The following PNPLA4 variants were observed in gnomAD, a reference collection of about 807,000 sequenced individuals.
The protein encoded by PNPLA4 is patatin-like phospholipase domain-containing protein 4.
PNPLA4 carries 15 observed loss-of-function variants against 18.3 expected under a neutral mutation model. That is an observed-to-expected ratio of 0.82 (90% CI 0.55 to 1.26). The LOEUF is 1.26. Ranked by LOEUF, PNPLA4 falls within the 50% of genes most tolerant of loss-of-function variation. The pLI is 0.00. For missense variants in PNPLA4, 229 were observed against 196.8 expected, an observed-to-expected ratio of 1.16 and a Z score of -0.98; for synonymous variants, 88 against 85.6, an observed-to-expected ratio of 1.03 and a Z score of -0.16.
At chrX:7,910,556 A>G (rs1337943021) in intron 5 of PNPLA4, among the ~76,000 whole-genome samples, 1 of 110,384 alleles carries the variant, frequency 9.1e-6, no homozygotes, top group African/African-American at 3.3e-5. Flanking sequence ...TATGCTAAAT[A>G]GATACTTTAT....
intron 5 of PNPLA4, among the ~76,000 whole-genome samples, chrX:7,910,550 C>T (rs977477189): frequency 2.6e-4 from 28 of 109,501 alleles, no homozygotes; most frequent in Non-Finnish European, 4.6e-4. Flanking sequence ...CTGATATATG[C>T]TAAATAGATA....
intron 4 of PNPLA4, among the ~76,000 whole-genome samples, chrX:7,919,902 C>A (rs748168386): frequency 3.6e-5 from 4 of 111,716 alleles, no homozygotes; most frequent in Non-Finnish European, 7.5e-5. Flanking sequence ...TATTTTAAAT[C>A]GAGCCAGTGT....
At position 7,914,574 on chromosome X, in the gene PNPLA4, T is replaced by A. The variant is rs751755312; in HGVS notation, c.412-2481A>T. 2.8e-3 allele frequency among the ~76,000 whole-genome samples: 313 copies of A among 112,438 alleles called. 2 individuals carry two copies. Among genetic ancestry groups the A allele is most frequent in the African/African-American group, 9.8e-3 (304 of 30,966 alleles). On this transcript the variant is annotated intron_variant, in intron 4 of 6. Transcript: ENST00000381042. ...TGAAGTTATTCAGCAAATGCAACAC[T>A]GCAAAGCAATAACTAGAGCAATTTG... is the stretch of plus-strand genomic sequence containing the variant.
At chrX:7,901,424 A>AT (rs201669455) in intron 6 of PNPLA4, among the ~76,000 whole-genome samples, 2,049 of 110,377 alleles carry the variant, frequency 0.019, 51 homozygotes, top group African/African-American at 0.064. Flanking sequence ...TCTGCAAATA[A>AT]TTTTTTTAAA....
chrX:7,919,853 G>A (rs1924156808), intron 4 of PNPLA4, among the ~76,000 whole-genome samples: 1 of 111,995 alleles, frequency 8.9e-6, no homozygotes, highest in South Asian at 3.7e-4. Flanking sequence ...TTTTGCCCAG[G>A]TCATACAGTA....
intron 4 of PNPLA4, among the ~76,000 whole-genome samples, chrX:7,918,296 T>C (rs1924107878): frequency 9.0e-6 from 1 of 111,299 alleles, no homozygotes; most frequent in African/African-American, 3.3e-5. Context: ...GGCCTCACAA[T>C]CGTGGTGGAA....
At chrX:7,903,047 C>CA (rs1923590000) in intron 5 of PNPLA4, among the ~76,000 whole-genome samples, 2 of 111,476 alleles carry the variant, frequency 1.8e-5, no homozygotes, top group Admixed American at 1.9e-4. Context: ...TACAAAAAAA[C>CA]AAAAAGTCTG....
intron 1 of PNPLA4, among the ~76,000 whole-genome samples, chrX:7,927,075 G>C (rs1286045620): frequency 8.8e-6 from 1 of 113,179 alleles, no homozygotes; most frequent in Non-Finnish European, 1.9e-5. Context: ...CGTAGGCTGA[G>C]TCCCAGTCAT....
At chrX:7,903,500 C>T (rs1923612936) in intron 5 of PNPLA4, among the ~76,000 whole-genome samples, 1 of 110,187 alleles carries the variant, frequency 9.1e-6, no homozygotes, top group Non-Finnish European at 1.9e-5. Flanking sequence ...GGGGTTTCAC[C>T]GGGTTAGCCA....
At chrX:7,914,738 T>C (rs1334406450) in intron 4 of PNPLA4, among the ~76,000 whole-genome samples, 1 of 110,160 alleles carries the variant, frequency 9.1e-6, no homozygotes, top group Admixed American at 1.0e-4. Flanking sequence ...CTTAGAATTA[T>C]GTTTTTTTTT....
chrX:7,923,419 G>A (rs1246872951), intron 2 of PNPLA4, among the ~76,000 whole-genome samples: 1 of 112,246 alleles, frequency 8.9e-6, no homozygotes, highest in African/African-American at 3.2e-5. Flanking sequence ...CTCCCCTGGA[G>A]CCTCTGGAGA....
rs1222993509 is a variant in PNPLA4, at chrX:7,898,344, C to A, written c.*2342G>T. The A allele has an allele frequency of 2.7e-5, 3 of 111,893 alleles. No homozygotes were observed. The South Asian group carries it at 1.1e-3, about 42-fold the overall frequency. The allele number at this position is 111,893 out of a possible 1,213,427, so 9.2% of individuals were successfully genotyped here. On this transcript the variant is annotated 3_prime_UTR_variant, in exon 7 of 7. Transcript: ENST00000381042. The stretch of plus-strand genomic sequence containing the variant: ...ATCAAGCTGCCAATCACAGTAATTA[C>A]CCTGCAAACATATCAGTATCTGGGT...
chrX:7,901,465 C>G (rs1267638249), intron 6 of PNPLA4, among the ~76,000 whole-genome samples: 1 of 110,620 alleles, frequency 9.0e-6, no homozygotes, highest in Admixed American at 9.7e-5. Flanking sequence ...CACGCGCCTG[C>G]AGTCCCAGGT....
In PNPLA4 at chrX:7,900,317, G is replaced by A. The variant is rs1416430773; in HGVS notation, c.*369C>T. The A allele has an allele frequency of 8.4e-6, 1 of 118,601 alleles. No homozygotes were observed. The highest frequency in any genetic ancestry group is 3.2e-5 in the African/African-American group (1 of 30,776). The allele number at this position is 118,601 out of a possible 1,213,427, so 9.8% of individuals were successfully genotyped here. A position where few individuals can be genotyped will look rare whatever the true frequency, so the allele number is the denominator to read the frequency against. Reference sequence around the variant, plus strand: ...GCTACAGGGACACAGCTAAGTCACGGAAACACCCATGCTTCACGTCAAGAT... The same window carrying A: ...GCTACAGGGACACAGCTAAGTCACGAAAACACCCATGCTTCACGTCAAGAT... On this transcript the variant is annotated 3_prime_UTR_variant, in exon 7 of 7. Transcript: ENST00000381042.
chrX:7,923,081 T>C (rs749034145), intron 2 of PNPLA4, among the ~76,000 whole-genome samples: 7 of 112,516 alleles, frequency 6.2e-5, no homozygotes, highest in Non-Finnish European at 1.1e-4. Context: ...GAATTTCAGT[T>C]AAGTGGCTAT....
intron 6 of PNPLA4, among the ~76,000 whole-genome samples, chrX:7,901,421 A>G (rs1365007949): frequency 9.1e-6 from 1 of 109,892 alleles, no homozygotes; most frequent in Non-Finnish European, 1.9e-5. Context: ...GTCTCTGCAA[A>G]TAATTTTTTT....
At chrX:7,909,053 G>A (rs1256620989) in intron 5 of PNPLA4, among the ~76,000 whole-genome samples, 3 of 111,930 alleles carry the variant, frequency 2.7e-5, no homozygotes, top group Non-Finnish European at 5.6e-5. Flanking sequence ...AACAAGGAAC[G>A]CATTGTTTGA....
chrX:7,926,068 G>A lies in PNPLA4; in HGVS notation c.52C>T (p.His18Tyr). 1 of 1,210,654 alleles carries A rather than the reference G, an allele frequency of 8.3e-7. No individual in the cohort carries two copies. The highest frequency in any genetic ancestry group is 1.1e-6 in the Non-Finnish European group (1 of 894,622). ...FAACGFLGIY[H>Y]LGAASALCRH... ...CAAAGTGCAGATGCTGCCCCCAAGT[G>A]GTAAATGCCCAGAAATCCACACGCT... The change falls in exon 2 of 7, where the codon CAC (histidine) becomes TAC (tyrosine). Residue 18 changes from histidine (H) to tyrosine (Y), a missense_variant. Transcript: ENST00000381042.
In PNPLA4 at chrX:7,899,647, G is replaced by GAGAGAGAA. The variant is rs1923456402; in HGVS notation, c.*1038_*1039insTTCTCTCT. On this transcript the variant is annotated 3_prime_UTR_variant, in exon 7 of 7. Transcript: ENST00000381042. ...ATGGCGAGAGAGAGAGAGAGAGAGA[G>GAGAGAGAA]AGAGAGAGAGAGAGAGAGAGAGAGA... 2.1e-5 allele frequency: 2 copies of GAGAGAGAA among 94,761 alleles called. No individual in the cohort carries two copies. Among genetic ancestry groups the GAGAGAGAA allele is most frequent in the Admixed American group, 1.2e-4 (1 of 8,662 alleles). The allele number at this position is 94,761 out of a possible 1,213,427, so 7.8% of individuals were successfully genotyped here.
Sources: allele counts gnomAD v4.1 joint callset (sites outside exome capture counted in the v4.1 genomes callset), GRCh38; gene constraint gnomAD v4.1.1; transcripts MANE v1.5; gene names NCBI Gene and HGNC (gene_info 2026-07-23, HGNC 2026-07-21).